Variants in DDX60 observed in about 807,000 individuals in gnomAD.
DDX60 encodes the protein DExD/H-box helicase 60, also known as probable ATP-dependent RNA helicase DDX60.
Under a neutral mutation model 212.8 loss-of-function variants are expected in DDX60, and 165 were observed. The observed-to-expected ratio is 0.78, with a 90% CI of 0.68 to 0.88. The LOEUF is 0.88. Among genes scored for constraint, DDX60 ranks in the 40% least tolerant of loss-of-function variants. The pLI is 0.00. For missense variants in DDX60, 1,905 were observed against 2,003.9 expected (o/e 0.95, Z 0.94); for synonymous variants, 703 against 685.3 (o/e 1.03, Z -0.40).
chr4:168,260,857 TA>T lies in DDX60; in HGVS notation c.3398+7del. ...ACAAGCAAAACCAAATTAAATTAAA[TA>T]ACTTACAAAAAAAATAGTGCAGGTA... On this transcript the variant is annotated splice_region_variant and intron_variant, in intron 25 of 37. Coordinates refer to ENST00000393743, the MANE Select transcript of DDX60 (RefSeq NM_017631.6). The T allele has an allele frequency of 1.3e-6, 2 of 1,596,508 alleles. No individual in the cohort carries two copies. Among genetic ancestry groups the T allele is most frequent in the African/African-American group, 1.4e-5 (1 of 73,964 alleles).
At chr4:168,293,452 G>A (rs770717627) in intron 7 of DDX60, among the ~76,000 whole-genome samples, 3 of 152,160 alleles carry the variant, frequency 2.0e-5, no homozygotes, top group Non-Finnish European at 4.4e-5. Flanking sequence ...CAATGCTGTT[G>A]TGAGGATTTA....
intron 9 of DDX60, among the ~76,000 whole-genome samples, chr4:168,287,809 GA>G (rs1008354409): frequency 4.6e-5 from 7 of 151,702 alleles, no homozygotes; most frequent in African/African-American, 1.5e-4. Flanking sequence ...TTATCTTTTG[GA>G]AAAAAATAAA....
At chr4:168,264,652 ATGAG>A (rs1251223393) in intron 22 of DDX60, among the ~76,000 whole-genome samples, 2 of 152,196 alleles carry the variant, frequency 1.3e-5, no homozygotes, top group Non-Finnish European at 2.9e-5. Flanking sequence ...TAGATTTCTT[ATGAG>A]AATTATATTA....
Position 168,225,682 on chromosome 4 carries a change from A to G in DDX60, c.4534-6T>C. On this transcript the variant is annotated splice_polypyrimidine_tract_variant and splice_region_variant and intron_variant, in intron 33 of 37. Coordinates refer to ENST00000393743, the MANE Select transcript of DDX60 (RefSeq NM_017631.6). Reference sequence around the variant, plus strand: ...GGGAGATCATCAAGGAACACCTAGAAGCCGAATAATTTTCATAGAGATAGA... The same window carrying G: ...GGGAGATCATCAAGGAACACCTAGAGGCCGAATAATTTTCATAGAGATAGA... 2 of 1,607,508 alleles carry G rather than the reference A, an allele frequency of 1.2e-6. No individual in the cohort carries two copies. Among genetic ancestry groups the G allele is most frequent in the East Asian group, 2.2e-5 (1 of 44,570 alleles).
chr4:168,227,614 T>C (rs1259117740), intron 33 of DDX60, among the ~76,000 whole-genome samples: 1 of 152,092 alleles, frequency 6.6e-6, no homozygotes, highest in Non-Finnish European at 1.5e-5. Flanking sequence ...AGGTTAGATC[T>C]TCTTGTTCGT....
intron 30 of DDX60, among the ~76,000 whole-genome samples, chr4:168,238,445 AAGGGAAGGGAAG>A (rs1178220230): frequency 3.8e-4 from 40 of 104,966 alleles, no homozygotes; most frequent in Non-Finnish European, 3.6e-4. Context: ...AAGGGAAGGG[AAGGGAAGGGAAG>A]GGAAGGGAAG....
chr4:168,311,447 C>A, intron 1 of DDX60, 82 bp from the exon 2 acceptor site: 1 of 562,420 alleles, frequency 1.8e-6, no homozygotes, highest in African/African-American at 1.9e-5. Context: ...AAATATTAGA[C>A]ACAAGGAATA....
At chr4:168,221,563 A>C (rs1261189945) in intron 36 of DDX60, among the ~76,000 whole-genome samples, 167 bp downstream of exon 36, 8 of 152,108 alleles carry the variant, frequency 5.3e-5, no homozygotes, top group African/African-American at 1.9e-4. Flanking sequence ...CCGAATTGTT[A>C]TTCTCTCTTG....
chr4:168,323,912 T>C, the DDX60 span, among the ~76,000 whole-genome samples: 2 of 151,046 alleles, frequency 1.3e-5, no homozygotes, highest in Non-Finnish European at 2.9e-5. Context: ...GGTTAAAGGA[T>C]GGAAAGTCGC....
chr4:168,295,637 T>C (rs1736309101), intron 6 of DDX60, among the ~76,000 whole-genome samples: 1 of 152,240 alleles, frequency 6.6e-6, no homozygotes, highest in African/African-American at 2.4e-5. Flanking sequence ...CATTGCTCAA[T>C]TAAACTCCTT....
intron 1 of DDX60, among the ~76,000 whole-genome samples, chr4:168,312,690 G>T (rs1225080130): frequency 1.6e-5 from 2 of 125,950 alleles, no homozygotes; most frequent in Non-Finnish European, 3.4e-5. Flanking sequence ...ATAGTAGATA[G>T]ATTGATTGAT....
Position 168,287,063 on chromosome 4 carries a change from GTTTCT to G in DDX60, c.1319_1323del (p.Lys440ThrfsTer10). On this transcript the variant is annotated frameshift_variant, in exon 10 of 38. Coordinates refer to ENST00000393743, the MANE Select transcript of DDX60 (RefSeq NM_017631.6). LOFTEE classifies it high-confidence loss of function. ...AATTTATTACCTTTGATTGGTGATGGTTTCTTTTCAAGAAAACAAACTTTTGTTGT... is the reference window on the plus strand; with the variant it reads ...AATTTATTACCTTTGATTGGTGATGGTTTCAAGAAAACAAACTTTTGTTGT... 6.2e-7 allele frequency: 1 copy of G among 1,604,834 alleles called. No individual in the cohort carries two copies. The highest frequency in any genetic ancestry group is 8.5e-7 in the Non-Finnish European group (1 of 1,177,780).
Position 168,246,540 on chromosome 4 carries a change from C to T in DDX60, c.4042G>A (p.Gly1348Arg). 1 of 1,614,070 alleles carries T rather than the reference C, an allele frequency of 6.2e-7. No individual in the cohort carries two copies. Among genetic ancestry groups the T allele is most frequent in the Non-Finnish European group, 8.5e-7 (1 of 1,179,988 alleles). The change falls in exon 30 of 38, where the codon GGA becomes AGA. Residue 1348 changes from glycine to arginine, a missense_variant. Coordinates refer to ENST00000393743, the MANE Select transcript of DDX60 (RefSeq NM_017631.6). ...GGAACATTGGATTTTATGAGTTTTC[C>T]TATTTTGGGGAATGGAATATCAAAG... ...YFFDIPFPKI[G>R]KLIKSNVPEL...
intron 33 of DDX60, among the ~76,000 whole-genome samples, chr4:168,229,517 G>T (rs1005035518): frequency 7.9e-5 from 12 of 151,968 alleles, no homozygotes; most frequent in Non-Finnish European, 1.8e-4. Flanking sequence ...GGGGCAGGGG[G>T]GTAAACAGGG....
chr4:168,310,569 T>G (rs1401367942), intron 3 of DDX60, among the ~76,000 whole-genome samples: 2 of 152,172 alleles, frequency 1.3e-5, no homozygotes, highest in African/African-American at 4.8e-5. Flanking sequence ...CGATGGGCTT[T>G]GCATTTGGAA....
intron 25 of DDX60, among the ~76,000 whole-genome samples, chr4:168,256,475 C>T (rs915265935): frequency 3.9e-5 from 6 of 152,114 alleles, no homozygotes; most frequent in Non-Finnish European, 7.4e-5. Context: ...TCCTGGCACC[C>T]TGGGGCTCAA....
chr4:168,286,099 G>A (rs1735834747), intron 10 of DDX60, among the ~76,000 whole-genome samples: 1 of 147,776 alleles, frequency 6.8e-6, no homozygotes, highest in Non-Finnish European at 1.5e-5. Context: ...CAGGGAGGGA[G>A]GGAGGGAGGA....
At chr4:168,304,458 T>C (rs1736789636) in intron 5 of DDX60, among the ~76,000 whole-genome samples, 1 of 152,112 alleles carries the variant, frequency 6.6e-6, no homozygotes. Context: ...CTCAGCATTT[T>C]GGGAGGCTGA....
At chr4:168,247,444 A>T (rs551723017) in intron 29 of DDX60, among the ~76,000 whole-genome samples, 1 of 152,342 alleles carries the variant, frequency 6.6e-6, no homozygotes, top group South Asian at 2.1e-4. Context: ...TTGGGTAGGA[A>T]CAAGGCCTAT....
Sources: allele counts gnomAD v4.1 joint callset (sites outside exome capture counted in the v4.1 genomes callset), GRCh38; gene constraint gnomAD v4.1.1; transcripts MANE v1.5; gene names NCBI Gene and HGNC (gene_info 2026-07-23, HGNC 2026-07-21).